Variants in ROBO2 observed in about 807,000 individuals in gnomAD.
ROBO2 encodes roundabout guidance receptor 2, also known as roundabout homolog 2.
A neutral mutation model predicts 160.8 loss-of-function variants in ROBO2; 53 were observed. That is an observed-to-expected ratio of 0.33 (90% confidence interval 0.26 to 0.41). ROBO2 has a LOEUF of 0.41. ROBO2 is among the 10% of genes least tolerant of loss of function. The probability of loss-of-function intolerance (pLI) is 1.00; values close to 1 mark genes in which losing one functional copy is unlikely to be tolerated. For synonymous variants in ROBO2, 664 were observed against 611.7 expected, an observed-to-expected ratio of 1.09 and a Z score of -1.26; for missense variants, 1,577 against 1,722.4, an observed-to-expected ratio of 0.92 and a Z score of 1.49.
intron 2 of ROBO2, among the ~76,000 whole-genome samples, chr3:76,703,242 C>T (rs1424030395): frequency 6.6e-6 from 1 of 152,122 alleles, no homozygotes; most frequent in African/African-American, 2.4e-5. Flanking sequence ...TATGACTGCT[C>T]TATGACCTTT....
intron 2 of ROBO2, among the ~76,000 whole-genome samples, chr3:76,081,243 A>G (rs1257249494): frequency 6.6e-6 from 1 of 152,116 alleles, no homozygotes; most frequent in African/African-American, 2.4e-5. Context: ...AATGGAAATT[A>G]ACAATCTATG....
intron 2 of ROBO2, among the ~76,000 whole-genome samples, chr3:76,212,803 AAG>A (rs1703229873): frequency 6.6e-6 from 1 of 151,534 alleles, no homozygotes. Context: ...GTCACATCTT[AAG>A]GTTCACATGT....
In ROBO2 at chr3:77,148,013, C is replaced by T. The variant is rs142387974; in HGVS notation, c.388+49673C>T. Among the ~76,000 whole-genome samples, 8 of 152,322 alleles carry T rather than the reference C, an allele frequency of 5.3e-5. No homozygotes were observed. In the East Asian group the frequency reaches 5.8e-4, roughly 11 times the overall value. On this transcript the variant is annotated intron_variant, in intron 2 of 25. Coordinates refer to ENST00000461745, the Ensembl canonical transcript of ROBO2. Reference sequence around the variant, plus strand: ...GCCTTGAACTTTGCACACAGAGACGCGAGGCCTGGGCAGAAGGCAGTGCAT... The same window carrying T: ...GCCTTGAACTTTGCACACAGAGACGTGAGGCCTGGGCAGAAGGCAGTGCAT...
intron 2 of ROBO2, among the ~76,000 whole-genome samples, chr3:77,286,864 T>C (rs2060637148): frequency 6.6e-6 from 1 of 152,236 alleles, no homozygotes; most frequent in Admixed American, 6.5e-5. Context: ...GTATAAATTA[T>C]GTTTCAGAAC....
intron 2 of ROBO2, among the ~76,000 whole-genome samples, chr3:76,544,781 C>A (rs192347): frequency 0.044 from 6,705 of 151,962 alleles, 517 homozygotes; most frequent in African/African-American, 0.15. Context: ...TGACATGATG[C>A]CCGTTAAATT....
intron 2 of ROBO2, among the ~76,000 whole-genome samples, chr3:76,101,485 T>G (rs2069679505): frequency 6.6e-6 from 1 of 152,132 alleles, no homozygotes; most frequent in African/African-American, 2.4e-5. Flanking sequence ...GATATACATT[T>G]TGGAGTCATG....
chr3:76,512,376 C>T (rs1203573300), intron 2 of ROBO2, among the ~76,000 whole-genome samples: 1 of 151,234 alleles, frequency 6.6e-6, no homozygotes, highest in Admixed American at 6.6e-5. Context: ...CAGCATCACA[C>T]ATAGAGACTG....
intron 2 of ROBO2, among the ~76,000 whole-genome samples, chr3:77,256,040 A>G (rs2058389073): frequency 6.6e-6 from 1 of 152,218 alleles, no homozygotes; most frequent in South Asian, 2.1e-4. Flanking sequence ...TTACAGAAGC[A>G]TGTGATAGCT....
chr3:76,726,820 C>T (rs372494541), intron 2 of ROBO2, among the ~76,000 whole-genome samples: 5 of 152,058 alleles, frequency 3.3e-5, no homozygotes, highest in East Asian at 1.9e-4. Context: ...GGAATGAATT[C>T]CAGAGGCAAA....
chr3:77,631,244 C>G (rs2095156082), intron 23 of ROBO2: 1 of 152,076 alleles, frequency 6.6e-6, no homozygotes, highest in South Asian at 2.1e-4. Flanking sequence ...CTAACCAGTT[C>G]AGCTTCTGTT....
intron 2 of ROBO2, among the ~76,000 whole-genome samples, chr3:76,874,858 G>A (rs552355140): frequency 1.3e-5 from 2 of 152,274 alleles, no homozygotes; most frequent in African/African-American, 4.8e-5. Flanking sequence ...GCCTAGACAA[G>A]AACACAGATC....
chr3:77,586,532 G>T (rs2094054125), intron 16 of ROBO2, among the ~76,000 whole-genome samples: 1 of 151,852 alleles, frequency 6.6e-6, no homozygotes, highest in South Asian at 2.1e-4. Flanking sequence ...AGCATTACAG[G>T]TCACACACAT....
intron 2 of ROBO2, among the ~76,000 whole-genome samples, chr3:76,725,116 AACC>A (rs2093529655): frequency 6.6e-6 from 1 of 152,202 alleles, no homozygotes; most frequent in African/African-American, 2.4e-5. Flanking sequence ...TGTTGTTTTA[AACC>A]ACCAAGTTTG....
At chr3:77,164,436 T>G (rs112686039) in intron 2 of ROBO2, among the ~76,000 whole-genome samples, 16 of 80,560 alleles carry the variant, frequency 2.0e-4, no homozygotes, top group African/African-American at 5.5e-4. Context: ...GGGAGGGAGG[T>G]GGGGGGGTCA....
intron 2 of ROBO2, among the ~76,000 whole-genome samples, chr3:75,956,346 A>T (rs1481368307): frequency 1.3e-5 from 2 of 151,470 alleles, no homozygotes. Flanking sequence ...GTAATGCCTT[A>T]CCTCTCGTCA....
At chr3:75,947,700 A>G (rs1948365036) in intron 2 of ROBO2, among the ~76,000 whole-genome samples, 1 of 152,126 alleles carries the variant, frequency 6.6e-6, no homozygotes, top group African/African-American at 2.4e-5. Flanking sequence ...GATTAAAATA[A>G]CAATAAATGC....
chr3:76,174,556 G>T (rs141834345), intron 2 of ROBO2, among the ~76,000 whole-genome samples: 156 of 152,178 alleles, frequency 1.0e-3, no homozygotes, highest in African/African-American at 2.5e-3. Flanking sequence ...GTAAGGAAAG[G>T]GTCCAGTTTC....
intron 4 of ROBO2, among the ~76,000 whole-genome samples, chr3:77,488,087 G>A (rs2085601059): frequency 6.6e-6 from 1 of 152,072 alleles, no homozygotes; most frequent in African/African-American, 2.4e-5. Flanking sequence ...AAGAGACTTG[G>A]CATTTGATTT....
chr3:76,536,880 C>A (rs1262841894), intron 2 of ROBO2, among the ~76,000 whole-genome samples: 1 of 152,058 alleles, frequency 6.6e-6, no homozygotes, highest in African/African-American at 2.4e-5. Flanking sequence ...CTGATAGAGA[C>A]AAAGGTACAT....
Sources: gnomAD v4.1 joint callset for allele counts (sites outside exome capture counted in the v4.1 genomes callset) on GRCh38, gnomAD v4.1.1 for gene constraint, MANE v1.5 for transcripts, NCBI Gene and HGNC (gene_info 2026-07-23, HGNC 2026-07-21) for gene names.